PTPRD: variants seen among roughly 807,000 people sequenced by gnomAD.
PTPRD encodes the protein protein tyrosine phosphatase receptor type D.
In PTPRD, 34 loss-of-function variants were observed where a neutral mutation model predicts 214.5. The observed-to-expected ratio is 0.16, with a 90% CI of 0.12 to 0.21. The LOEUF (loss-of-function observed/expected upper bound fraction) is 0.21. Ranked by LOEUF, PTPRD falls within the 10% of genes least tolerant of loss-of-function variation. PTPRD has a pLI of 1.00. For synonymous variants in PTPRD, 1,128 were observed against 845.7 expected (o/e 1.33, Z -5.79); for missense variants, 2,545 against 2,398.7 (o/e 1.06, Z -1.27).
At chr9:9,047,218 T>G (rs1048047187) in intron 10 of PTPRD, among the ~76,000 whole-genome samples, 1 of 151,930 alleles carries the variant, frequency 6.6e-6, no homozygotes, top group African/African-American at 2.4e-5. Context: ...ATCTCTATAA[T>G]GAAAACTATA....
At chr9:9,799,250 A>G (rs188195482) in intron 5 of PTPRD, among the ~76,000 whole-genome samples, 1 of 152,250 alleles carries the variant, frequency 6.6e-6, no homozygotes. Context: ...ATGTTTTGGA[A>G]GGAGAGTTAA....
At chr9:8,666,705 A>T in intron 12 of PTPRD, among the ~76,000 whole-genome samples, 1 of 151,980 alleles carries the variant, frequency 6.6e-6, no homozygotes, top group Non-Finnish European at 1.5e-5. Context: ...AACACACTAA[A>T]CTCTATTATT....
At chr9:9,250,408 T>C (rs2099974997) in intron 9 of PTPRD, among the ~76,000 whole-genome samples, 2 of 152,084 alleles carry the variant, frequency 1.3e-5, no homozygotes, top group Admixed American at 1.3e-4. Context: ...TCAGAGGGTA[T>C]AAGTCAGGCA....
intron 2 of PTPRD, among the ~76,000 whole-genome samples, chr9:10,581,545 T>G (rs2071813369): frequency 6.6e-6 from 1 of 152,210 alleles, no homozygotes; most frequent in Non-Finnish European, 1.5e-5. Context: ...GAAGTATTCA[T>G]AATTTCTGCT....
intron 10 of PTPRD, among the ~76,000 whole-genome samples, chr9:9,023,881 T>C (rs1039051430): frequency 1.3e-5 from 2 of 152,088 alleles, no homozygotes; most frequent in African/African-American, 4.8e-5. Flanking sequence ...TTTCTTTTCT[T>C]CTTTTCTCTA....
intron 11 of PTPRD, among the ~76,000 whole-genome samples, chr9:8,979,810 T>G (rs2099298376): frequency 6.6e-6 from 1 of 152,114 alleles, no homozygotes; most frequent in African/African-American, 2.4e-5. Context: ...ACAGCCATTA[T>G]GGAAAAAAGT....
At chr9:9,136,032 T>C (rs1024003774) in intron 10 of PTPRD, among the ~76,000 whole-genome samples, 1 of 152,152 alleles carries the variant, frequency 6.6e-6, no homozygotes, top group Admixed American at 6.5e-5. Flanking sequence ...CACACACACA[T>C]ACATAGTAAT....
rs139174415 is a variant in PTPRD, at chr9:9,532,803, T to A, written c.-237+41929A>T. On this transcript the variant is annotated intron_variant, in intron 8 of 45. Transcript: ENST00000381196. Reference sequence around the variant, plus strand: ...CACATTAGCACCCTTGGAGCAATCATTGAAAAAAGTACTTACAACTGTCAA... The same window carrying A: ...CACATTAGCACCCTTGGAGCAATCAATGAAAAAAGTACTTACAACTGTCAA... Among the ~76,000 whole-genome samples the A allele has an allele frequency of 1.8e-4, 27 of 152,242 alleles. No homozygotes were observed. The East Asian group carries it at 5.0e-3, about 28-fold the overall frequency.
chr9:8,991,616 A>G (rs1023059457), intron 11 of PTPRD, among the ~76,000 whole-genome samples: 4 of 152,156 alleles, frequency 2.6e-5, no homozygotes. Context: ...ATTTGCCACA[A>G]AATGGATCAG....
At chr9:9,817,850 C>A (rs538635627) in intron 5 of PTPRD, among the ~76,000 whole-genome samples, 2 of 152,128 alleles carry the variant, frequency 1.3e-5, no homozygotes, top group Non-Finnish European at 1.5e-5. Flanking sequence ...TTGTGTCTCA[C>A]GGAAACCAGA....
intron 11 of PTPRD, among the ~76,000 whole-genome samples, chr9:9,006,346 G>A (rs2099466754): frequency 1.3e-5 from 2 of 151,846 alleles, no homozygotes; most frequent in Non-Finnish European, 2.9e-5. Flanking sequence ...TCTTCTTCTT[G>A]TTCTCAAGAA....
At chr9:9,552,695 T>C (rs1292976595) in intron 8 of PTPRD, among the ~76,000 whole-genome samples, 1 of 152,070 alleles carries the variant, frequency 6.6e-6, no homozygotes, top group African/African-American at 2.4e-5. Context: ...ATTCCTCGGT[T>C]CAAGGTTAGT....
intron 33 of PTPRD, among the ~76,000 whole-genome samples, chr9:8,460,107 TGA>T (rs2096350947): frequency 6.6e-6 from 1 of 152,160 alleles, no homozygotes; most frequent in Non-Finnish European, 1.5e-5. Flanking sequence ...TATTTGCTTG[TGA>T]ATGCACTAAT....
At chr9:10,265,394 G>A (rs187432586) in intron 3 of PTPRD, among the ~76,000 whole-genome samples, 29 of 152,218 alleles carry the variant, frequency 1.9e-4, no homozygotes, top group East Asian at 7.7e-4. Context: ...TGGCCCACCC[G>A]CCAGCTGACC....
chr9:8,932,730 T>C (rs2098961602), intron 11 of PTPRD, among the ~76,000 whole-genome samples: 1 of 152,022 alleles, frequency 6.6e-6, no homozygotes, highest in Non-Finnish European at 1.5e-5. Context: ...CCCACTAAGC[T>C]CGAGCATCCC....
intron 5 of PTPRD, among the ~76,000 whole-genome samples, chr9:9,772,920 C>T (rs1216532731): frequency 6.6e-6 from 1 of 152,156 alleles, no homozygotes; most frequent in Non-Finnish European, 1.5e-5. Flanking sequence ...TTGATGTATT[C>T]TGATCATCCA....
chr9:9,605,618 A>T (rs984016707), intron 7 of PTPRD, among the ~76,000 whole-genome samples: 2 of 152,110 alleles, frequency 1.3e-5, no homozygotes, highest in Admixed American at 1.3e-4. Flanking sequence ...CAAATTATAT[A>T]ACAAAATTTG....
At chr9:9,212,959 C>A (rs10977583) in intron 9 of PTPRD, among the ~76,000 whole-genome samples, 18,017 of 152,142 alleles carry the variant, frequency 0.12, 1,209 homozygotes, top group Middle Eastern at 0.15. Context: ...CTAGAGTTCT[C>A]TAAGATTCTA....
intron 2 of PTPRD, among the ~76,000 whole-genome samples, chr9:10,553,734 G>C (rs978131242): frequency 2.0e-5 from 3 of 147,526 alleles, no homozygotes; most frequent in African/African-American, 7.3e-5. Context: ...AAGAGAGAGA[G>C]AAGGAGAAAG....
Sources: gnomAD v4.1 joint callset for allele counts (sites outside exome capture counted in the v4.1 genomes callset) on GRCh38, gnomAD v4.1.1 for gene constraint, MANE v1.5 for transcripts, NCBI Gene and HGNC (gene_info 2026-07-23, HGNC 2026-07-21) for gene names.